Variants in AGBL4 observed in about 807,000 individuals in gnomAD.
AGBL4 encodes AGBL carboxypeptidase 4, also known as cytosolic carboxypeptidase 6.
AGBL4 carries 58 observed loss-of-function variants against 66.4 expected under a neutral mutation model. The ratio of observed to expected loss-of-function variants is 0.87; its 90% confidence interval spans 0.71 to 1.09. The LOEUF is 1.09. Among genes scored for constraint, AGBL4 ranks in the 50% least tolerant of loss-of-function variants. The pLI, the probability that AGBL4 is intolerant of heterozygous loss-of-function variation, is 0.00. For missense variants in AGBL4, 579 were observed against 631.0 expected, an observed-to-expected ratio of 0.92 and a Z score of 0.88; for synonymous variants, 234 against 222.9, an observed-to-expected ratio of 1.05 and a Z score of -0.44.
chr1:49,137,722 A>G (rs1282854137), intron 4 of AGBL4, among the ~76,000 whole-genome samples: 5 of 152,104 alleles, frequency 3.3e-5, no homozygotes, highest in African/African-American at 1.2e-4. Context: ...AACAATTGCT[A>G]ATAAGAGAAT....
At chr1:48,528,734 G>A (rs189865662), downstream of AGBL4, among the ~76,000 whole-genome samples, 1 of 152,114 alleles carries the variant, frequency 6.6e-6, no homozygotes, top group Admixed American at 6.5e-5. Context: ...GTGCCTTGGG[G>A]GAGTCCTGAA....
chr1:48,821,893 T>C (rs1646322638), intron 6 of AGBL4, among the ~76,000 whole-genome samples: 1 of 152,140 alleles, frequency 6.6e-6, no homozygotes, highest in Non-Finnish European at 1.5e-5. Context: ...CCAATTTTGG[T>C]AAGAGCAAAA....
At chr1:49,947,238 C>CA (rs940594527) in intron 1 of AGBL4, among the ~76,000 whole-genome samples, 1 of 151,476 alleles carries the variant, frequency 6.6e-6, no homozygotes, top group Non-Finnish European at 1.5e-5. Flanking sequence ...AAGCACATAA[C>CA]AAAAAAAGAA....
At chr1:49,312,405 TTC>T (rs1644957996) in intron 3 of AGBL4, among the ~76,000 whole-genome samples, 1 of 152,088 alleles carries the variant, frequency 6.6e-6, no homozygotes, top group African/African-American at 2.4e-5. Flanking sequence ...AGAAATAAAT[TTC>T]TGTTTTTTAT....
intron 3 of AGBL4, among the ~76,000 whole-genome samples, chr1:49,262,403 T>A (rs1220906568): frequency 3.9e-5 from 6 of 152,026 alleles, no homozygotes; most frequent in African/African-American, 7.2e-5. Context: ...CACAACCTAC[T>A]CATCTGACAA....
chr1:49,430,322 T>C (rs1435216692), intron 3 of AGBL4, among the ~76,000 whole-genome samples: 1 of 152,220 alleles, frequency 6.6e-6, no homozygotes, highest in Non-Finnish European at 1.5e-5. Flanking sequence ...ACAATCTAGC[T>C]TGGGTGTTTT....
intron 5 of AGBL4, among the ~76,000 whole-genome samples, chr1:48,923,100 T>G (rs1038507201): frequency 6.6e-6 from 1 of 150,762 alleles, no homozygotes; most frequent in African/African-American, 2.4e-5. Flanking sequence ...TTAAAAAAAA[T>G]ATATAAAATA....
chr1:49,842,833 A>G (rs1440294798), intron 2 of AGBL4, among the ~76,000 whole-genome samples: 3 of 152,216 alleles, frequency 2.0e-5, no homozygotes, highest in Non-Finnish European at 4.4e-5. Flanking sequence ...GAATACTAGC[A>G]TTTCAGGCAG....
At chr1:48,923,090 T>A (rs1557464793) in intron 5 of AGBL4, among the ~76,000 whole-genome samples, 2 of 149,316 alleles carry the variant, frequency 1.3e-5, no homozygotes, top group Non-Finnish European at 3.0e-5. Flanking sequence ...TAGAAAAAAA[T>A]TAAAAAAAAT....
In AGBL4 at chr1:48,710,522, T is replaced by C. The variant is rs75385722; in HGVS notation, c.635-47281A>G. On this transcript the variant is annotated intron_variant, in intron 6 of 13. Coordinates refer to ENST00000371839, the MANE Select transcript of AGBL4 (RefSeq NM_032785.4). Reference sequence around the variant, plus strand: ...TCACATGCCAGATACAAAGGCCAGATTGGATACCAGTTGAGCTAAGAGGCC... The same window carrying C: ...TCACATGCCAGATACAAAGGCCAGACTGGATACCAGTTGAGCTAAGAGGCC... Among the ~76,000 whole-genome samples, 85 of 152,212 alleles carry C rather than the reference T, an allele frequency of 5.6e-4. 3 individuals are homozygous for C. In the East Asian group the frequency reaches 0.015, roughly 27 times the overall value.
chr1:50,007,541 T>C (rs754541502), intron 1 of AGBL4, among the ~76,000 whole-genome samples: 1 of 152,084 alleles, frequency 6.6e-6, no homozygotes, highest in African/African-American at 2.4e-5. Context: ...GGAGGGAGGA[T>C]TGGTTGAGCC....
At chr1:49,395,293 TTTAGGTACAAGTATCAA>T (rs2148599460) in intron 3 of AGBL4, among the ~76,000 whole-genome samples, 1 of 152,240 alleles carries the variant, frequency 6.6e-6, no homozygotes, top group Non-Finnish European at 1.5e-5. Flanking sequence ...AATATGATCA[TTTAGGTACAAGTATCAA>T]CTTGAAGAAA....
intron 5 of AGBL4, among the ~76,000 whole-genome samples, chr1:48,902,516 G>T (rs1224654803): frequency 6.6e-6 from 1 of 152,274 alleles, no homozygotes; most frequent in African/African-American, 2.4e-5. Context: ...GTGGTGGATT[G>T]GAAAGAGAGG....
chr1:49,175,803 C>T (rs1005310052), intron 4 of AGBL4, among the ~76,000 whole-genome samples: 3 of 152,072 alleles, frequency 2.0e-5, no homozygotes, highest in African/African-American at 7.2e-5. Flanking sequence ...AAGAGAAAGA[C>T]AGACCTTTAC....
At chr1:48,747,048 AC>A (rs1372378141) in intron 6 of AGBL4, among the ~76,000 whole-genome samples, 6 of 152,248 alleles carry the variant, frequency 3.9e-5, no homozygotes, top group African/African-American at 1.4e-4. Context: ...TTGGCAATTT[AC>A]ATCTCATTAC....
At chr1:49,082,320 A>G (rs1644823257) in intron 4 of AGBL4, among the ~76,000 whole-genome samples, 1 of 152,154 alleles carries the variant, frequency 6.6e-6, no homozygotes, top group Non-Finnish European at 1.5e-5. Context: ...GCCAATGCTG[A>G]GTGTATCAGT....
At chr1:48,946,279 G>A (rs538152958) in intron 5 of AGBL4, among the ~76,000 whole-genome samples, 6 of 152,226 alleles carry the variant, frequency 3.9e-5, no homozygotes, top group Admixed American at 2.0e-4. Flanking sequence ...AGGGTACAGG[G>A]GCTGCCCTAT....
At chr1:48,666,499 G>C (rs140930995) in intron 6 of AGBL4, among the ~76,000 whole-genome samples, 1 of 152,196 alleles carries the variant, frequency 6.6e-6, no homozygotes, top group Non-Finnish European at 1.5e-5. Context: ...GAAGTAACGT[G>C]CTTTGTGTGG....
At chr1:49,401,706 T>C (rs1266948870) in intron 3 of AGBL4, among the ~76,000 whole-genome samples, 3 of 152,202 alleles carry the variant, frequency 2.0e-5, no homozygotes, top group African/African-American at 4.8e-5. Context: ...TTTAATGAGT[T>C]TGGAATTATT....
Sources: allele counts gnomAD v4.1 joint callset (sites outside exome capture counted in the v4.1 genomes callset), GRCh38; gene constraint gnomAD v4.1.1; transcripts MANE v1.5; gene names NCBI Gene and HGNC (gene_info 2026-07-23, HGNC 2026-07-21).